MSR1: variants seen among roughly 807,000 people sequenced by gnomAD.
MSR1 encodes macrophage scavenger receptor types I and II.
MSR1 carries 53 observed loss-of-function variants against 47.2 expected under a neutral mutation model. The ratio of observed to expected loss-of-function variants is 1.12; its 90% CI spans 0.90 to 1.41. MSR1 has a LOEUF of 1.41. Ranked by LOEUF, MSR1 falls within the 40% of genes most tolerant of loss-of-function variation. The pLI is 0.00. For missense variants in MSR1, 786 were observed against 546.9 expected (o/e 1.44, Z -4.36); for synonymous variants, 239 against 185.6 (o/e 1.29, Z -2.34).
chr8:16,151,004 T>A (rs1800842959), intron 6 of MSR1, among the ~76,000 whole-genome samples: 1 of 152,078 alleles, frequency 6.6e-6, no homozygotes, highest in Non-Finnish European at 1.5e-5. Context: ...ACTATGGTGA[T>A]CATAACAACT....
intron 6 of MSR1, among the ~76,000 whole-genome samples, chr8:16,154,770 A>G (rs1800953787): frequency 6.6e-6 from 1 of 151,906 alleles, no homozygotes; most frequent in African/African-American, 2.4e-5. Flanking sequence ...TATACATGTC[A>G]CTATCTAGAC....
intron 9 of MSR1, among the ~76,000 whole-genome samples, chr8:16,117,563 C>G (rs7834751): frequency 0.75 from 114,449 of 152,032 alleles, 45,624 homozygotes; most frequent in South Asian, 0.89. Context: ...ATGTTTGAGA[C>G]AACTTCAAAT....
Position 16,155,100 on chromosome 8 carries a change from C to T in MSR1, c.862G>A (p.Gly288Arg). Residue 288 changes from glycine to arginine, a missense_variant, in exon 6 of 10, where the codon GGA becomes AGA. By Grantham distance (125) the Gly-to-Arg change is moderately radical. Transcript: ENST00000262101. The part of the protein sequence containing the change: ...PGEKGDRGPT[G>R]ESGPRGFPGP... ...GGAAATCCTCGTGGACCACTTTCTC[C>T]AGTGGGACCTCGATCTCCTTTTTCA... 1 of 1,612,260 alleles carries T rather than the reference C, an allele frequency of 6.2e-7. No individual in the cohort carries two copies. Among genetic ancestry groups the T allele is most frequent in the Non-Finnish European group, 8.5e-7 (1 of 1,178,824 alleles).
At chr8:16,120,996 TATC>T (rs1481194860) in intron 8 of MSR1, 2 of 310,006 alleles carry the variant, frequency 6.5e-6, no homozygotes, top group African/African-American at 4.4e-5. Flanking sequence ...CATACAAACT[TATC>T]AACATACAAT....
At chr8:16,139,821 A>G (rs1220521100) in intron 8 of MSR1, 1 of 194,514 alleles carries the variant, frequency 5.1e-6, no homozygotes, top group Non-Finnish European at 7.5e-6. Context: ...ATATATATAT[A>G]TATGCTGTAA....
intron 4 of MSR1, among the ~76,000 whole-genome samples, chr8:16,168,181 C>T (rs1801371812): frequency 6.6e-6 from 1 of 152,176 alleles, no homozygotes; most frequent in African/African-American, 2.4e-5. Flanking sequence ...TTGGTTTAGG[C>T]AGTCTAAAAA....
intron 2 of MSR1, 103 bp from the exon 3 acceptor site, chr8:16,175,403 G>A (rs1801617260): frequency 4.1e-6 from 4 of 978,164 alleles, no homozygotes; most frequent in Middle Eastern, 2.4e-4. Context: ...CAAGCCTATT[G>A]GAATAAAAAA....
chr8:16,150,904 C>T (rs1315373846), intron 6 of MSR1, among the ~76,000 whole-genome samples: 3 of 149,460 alleles, frequency 2.0e-5, no homozygotes, highest in Non-Finnish European at 3.0e-5. Flanking sequence ...CACAGATTTA[C>T]TTATGAGTAT....
At chr8:16,155,214 G>C in intron 5 of MSR1, 70 bp from the exon 6 acceptor site, 1 of 1,115,972 alleles carries the variant, frequency 9.0e-7, no homozygotes, top group East Asian at 2.4e-5. Context: ...ATCTGTCAAG[G>C]TACTTATATA....
chr8:16,178,095 C>A, intron 1 of MSR1, 103 bp from the exon 2 acceptor site: 4 of 855,994 alleles, frequency 4.7e-6, no homozygotes, highest in East Asian at 2.9e-5. Context: ...GGAATCTATT[C>A]AGTTTTTCTT....
chr8:16,152,089 T>TAATACA (rs879876899), intron 6 of MSR1, among the ~76,000 whole-genome samples: 364 of 152,248 alleles, frequency 2.4e-3, no homozygotes, highest in Admixed American at 6.2e-3. Context: ...CCTCCCCCTC[T>TAATACA]TCCTCATCCT....
intron 1 of MSR1, among the ~76,000 whole-genome samples, chr8:16,184,545 C>T (rs1459509881): frequency 3.3e-5 from 5 of 152,082 alleles, no homozygotes; most frequent in Non-Finnish European, 4.4e-5. Flanking sequence ...CGGTAGCATC[C>T]GACTCATCAA....
intron 5 of MSR1, among the ~76,000 whole-genome samples, chr8:16,159,285 CAG>C (rs892402606): frequency 2.0e-5 from 3 of 151,894 alleles, no homozygotes; most frequent in African/African-American, 4.8e-5. Flanking sequence ...ATTCTCACCA[CAG>C]AGTCATATTA....
At chr8:16,146,830 CATAG>C (rs1378563397) in intron 7 of MSR1, among the ~76,000 whole-genome samples, 29 of 152,188 alleles carry the variant, frequency 1.9e-4, no homozygotes, top group Admixed American at 1.6e-3. Context: ...TTTATATAAT[CATAG>C]ATAAACTTTG....
intron 1 of MSR1, among the ~76,000 whole-genome samples, chr8:16,183,885 T>A (rs1234856332): frequency 7.0e-6 from 1 of 142,146 alleles, no homozygotes; most frequent in Non-Finnish European, 1.5e-5. Context: ...TATATTATTA[T>A]ATAATATATA....
intron 3 of MSR1, among the ~76,000 whole-genome samples, chr8:16,170,233 A>G (rs1801442296): frequency 6.6e-6 from 1 of 152,024 alleles, no homozygotes; most frequent in Non-Finnish European, 1.5e-5. Context: ...CTGCAGGCCC[A>G]TCTACTCAGG....
intron 8 of MSR1, among the ~76,000 whole-genome samples, chr8:16,125,104 T>C (rs1012710913): frequency 6.6e-6 from 1 of 152,134 alleles, no homozygotes; most frequent in African/African-American, 2.4e-5. Context: ...GAGGCTCTGA[T>C]CAGAGAAGCC....
At chr8:16,135,930 G>C (rs1429114327) in intron 8 of MSR1, among the ~76,000 whole-genome samples, 1 of 152,094 alleles carries the variant, frequency 6.6e-6, no homozygotes, top group Non-Finnish European at 1.5e-5. Flanking sequence ...CTGAGGATGT[G>C]GCTGAATTGC....
chr8:16,176,083 T>C (rs1367416224), intron 2 of MSR1, among the ~76,000 whole-genome samples: 1 of 152,240 alleles, frequency 6.6e-6, no homozygotes, highest in Admixed American at 6.5e-5. Flanking sequence ...TTATTTTCTA[T>C]GGTCATTGCT....
Sources: allele counts gnomAD v4.1 joint callset (sites outside exome capture counted in the v4.1 genomes callset), GRCh38; gene constraint gnomAD v4.1.1; transcripts MANE v1.5; gene names NCBI Gene and HGNC (gene_info 2026-07-23, HGNC 2026-07-21).